The following MLXIPL variants were observed in gnomAD, a reference collection of about 807,000 sequenced individuals.
MLXIPL encodes the protein MLX interacting protein like.
MLXIPL carries 49 observed loss-of-function variants against 81.5 expected under a neutral mutation model. That is an observed-to-expected ratio of 0.60 (90% CI 0.48 to 0.76). The LOEUF (loss-of-function observed/expected upper bound fraction) is 0.76, where lower values mean the gene tolerates loss of function less well. MLXIPL is among the 30% of genes least tolerant of loss of function. The pLI is 0.00. For missense variants in MLXIPL, 1,053 were observed against 1,167.0 expected (o/e 0.90, Z 1.42); for synonymous variants, 466 against 485.5 (o/e 0.96, Z 0.53).
the MLXIPL span, among the ~76,000 whole-genome samples, chr7:73,645,252 T>C: frequency 3.9e-5 from 6 of 152,326 alleles, no homozygotes; most frequent in Admixed American, 1.3e-4. Context: ...GGTCTTGAAC[T>C]CCTGGCCTCA....
intron 7 of MLXIPL, among the ~76,000 whole-genome samples, chr7:73,602,994 C>G (rs1027817564): frequency 6.6e-6 from 1 of 152,208 alleles, no homozygotes; most frequent in South Asian, 2.1e-4. Flanking sequence ...CCGAGCTGCT[C>G]ACCAGGGCCC....
At chr7:73,636,992 G>A in the MLXIPL span, among the ~76,000 whole-genome samples, 11,754 of 150,028 alleles carry the variant, frequency 0.078, 494 homozygotes, top group Middle Eastern at 0.12. Context: ...CCCGGGAGGC[G>A]GAGCTTGCAG....
chr7:73,624,599 A>G (rs550928150), upstream of MLXIPL: 4 of 1,392,402 alleles, frequency 2.9e-6, no homozygotes, highest in South Asian at 3.2e-5. Flanking sequence ...CCATAGGCCG[A>G]TCGGGTGGGC....
chr7:73,617,039 G>A (rs373593381), intron 1 of MLXIPL, among the ~76,000 whole-genome samples: 5 of 151,882 alleles, frequency 3.3e-5, no homozygotes, highest in Admixed American at 6.6e-5. Context: ...GTTTTGAGAC[G>A]GAGTCTCAGT....
the MLXIPL span, among the ~76,000 whole-genome samples, chr7:73,638,779 TGCCCA>T: frequency 6.1e-4 from 93 of 151,768 alleles, no homozygotes; most frequent in Non-Finnish European, 1.2e-3. Context: ...CCTGTCACCA[TGCCCA>T]GCTAATTTTT....
intron 1 of MLXIPL, among the ~76,000 whole-genome samples, chr7:73,616,619 G>A (rs955901389): frequency 2.0e-5 from 3 of 152,046 alleles, no homozygotes; most frequent in Non-Finnish European, 2.9e-5. Context: ...GGGCCAAGGC[G>A]GGTGGATCGC....
At chr7:73,631,071 T>G in the MLXIPL span, among the ~76,000 whole-genome samples, 3 of 151,642 alleles carry the variant, frequency 2.0e-5, no homozygotes, top group Non-Finnish European at 4.4e-5. Context: ...TGCAGTGGCA[T>G]GATCTCAGCT....
intron 2 of MLXIPL, 106 bp downstream of exon 2, chr7:73,615,965 G>T: frequency 2.5e-6 from 2 of 798,432 alleles, no homozygotes; most frequent in Non-Finnish European, 4.3e-6. Context: ...TGCTGGCCTT[G>T]AGGACCCCGG....
chr7:73,646,632 C>T, the MLXIPL span, among the ~76,000 whole-genome samples: 1 of 152,276 alleles, frequency 6.6e-6, no homozygotes, highest in East Asian at 1.9e-4. Context: ...GATGGGGAAA[C>T]TCCTGGCTAC....
At chr7:73,639,714 T>C in the MLXIPL span, among the ~76,000 whole-genome samples, 1 of 152,174 alleles carries the variant, frequency 6.6e-6, no homozygotes, top group African/African-American at 2.4e-5. Flanking sequence ...CTCATTATTA[T>C]TATAGGTGTA....
chr7:73,642,660 T>C, the MLXIPL span, among the ~76,000 whole-genome samples: 1 of 151,752 alleles, frequency 6.6e-6, no homozygotes, highest in African/African-American at 2.4e-5. Flanking sequence ...CTGGCCCTTT[T>C]TTAAATTTAT....
At chr7:73,645,534 G>A in the MLXIPL span, among the ~76,000 whole-genome samples, 2 of 152,156 alleles carry the variant, frequency 1.3e-5, no homozygotes, top group African/African-American at 2.4e-5. Flanking sequence ...GTGGGCGCAG[G>A]ACACATGGAC....
Position 73,596,527 on chromosome 7 carries a change from G to T in MLXIPL, c.1823-48C>A, listed in dbSNP as rs1794321680. 1 of 1,608,230 alleles carries T rather than the reference G, an allele frequency of 6.2e-7. No individual in the cohort carries two copies. The highest frequency in any genetic ancestry group is 1.1e-5 in the South Asian group (1 of 90,764). ...CACAGAAAGACCGACCCAGGGGAAA[G>T]GGTCCCCATTGCCCCCTTCCTCTCA... On this transcript the variant is annotated intron_variant, in intron 11 of 16. Coordinates refer to ENST00000313375, the MANE Select transcript of MLXIPL (RefSeq NM_032951.3). This position sits in a 1 kb window ranked among gnomAD's most constrained non-coding sequence, Gnocchi z 4.7.
At chr7:73,624,135 G>T (rs1331972663) in intron 1 of MLXIPL, 65 bp downstream of exon 1, 2 of 1,352,950 alleles carry the variant, frequency 1.5e-6, no homozygotes, top group Non-Finnish European at 2.0e-6. Flanking sequence ...GCGCAGTCCT[G>T]CCCCGGACCC....
At chr7:73,619,594 A>C (rs1228665227) in intron 1 of MLXIPL, among the ~76,000 whole-genome samples, 1 of 151,754 alleles carries the variant, frequency 6.6e-6, no homozygotes, top group Admixed American at 6.6e-5. Flanking sequence ...ACACCACTGC[A>C]CTCCAGCCTG....
chr7:73,607,158 G>T, intron 4 of MLXIPL, 140 bp from the exon 5 acceptor site: 2 of 1,277,700 alleles, frequency 1.6e-6, no homozygotes, highest in South Asian at 1.3e-5. Flanking sequence ...TAAGGAGGCC[G>T]CTAGGAGACG....
chr7:73,600,241 G>C (rs553620500), intron 7 of MLXIPL, among the ~76,000 whole-genome samples: 1 of 151,234 alleles, frequency 6.6e-6, no homozygotes. Flanking sequence ...GCCTAGGAGT[G>C]GGGTGAAGAG....
At chr7:73,633,385 C>T in the MLXIPL span, among the ~76,000 whole-genome samples, 1 of 151,078 alleles carries the variant, frequency 6.6e-6, no homozygotes, top group South Asian at 2.1e-4. Context: ...CACTCTGTCA[C>T]CCAGGCTGGG....
At chr7:73,613,338 C>A (rs1795815852) in intron 2 of MLXIPL, among the ~76,000 whole-genome samples, 1 of 152,160 alleles carries the variant, frequency 6.6e-6, no homozygotes, top group Non-Finnish European at 1.5e-5. Context: ...GTGGCTCATG[C>A]CTGTAATCCC....
Sources: gnomAD v4.1 joint callset for allele counts (sites outside exome capture counted in the v4.1 genomes callset) on GRCh38, gnomAD v4.1.1 for gene constraint, Gnocchi (gnomAD v3.1) non-coding constraint, MANE v1.5 for transcripts, NCBI Gene and HGNC (gene_info 2026-07-23, HGNC 2026-07-21) for gene names.